PLXDC2: variants seen among roughly 807,000 people sequenced by gnomAD.
The protein encoded by PLXDC2 is plexin domain containing 2.
A neutral mutation model predicts 68.9 loss-of-function variants in PLXDC2; 40 were observed. The observed-to-expected ratio is 0.58, with a 90% CI of 0.45 to 0.76. The LOEUF (loss-of-function observed/expected upper bound fraction) is 0.76. Ranked by LOEUF, PLXDC2 falls within the 30% of genes least tolerant of loss-of-function variation. PLXDC2 has a pLI of 0.00. For synonymous variants in PLXDC2, 243 were observed against 234.2 expected (o/e 1.04, Z -0.34); for missense variants, 644 against 661.9 (o/e 0.97, Z 0.30).
At chr10:20,063,647 G>A (rs1836143400) in intron 3 of PLXDC2, among the ~76,000 whole-genome samples, 4 of 152,086 alleles carry the variant, frequency 2.6e-5, no homozygotes, top group African/African-American at 9.7e-5. Flanking sequence ...AATTAACATA[G>A]GAAAAATATG....
chr10:20,050,524 C>T (rs940191447), intron 3 of PLXDC2, among the ~76,000 whole-genome samples: 8 of 151,626 alleles, frequency 5.3e-5, no homozygotes, highest in African/African-American at 1.2e-4. Context: ...AAGAAAAAAA[C>T]GCATTAAAAA....
At chr10:20,087,978 T>C (rs1242889826) in intron 4 of PLXDC2, among the ~76,000 whole-genome samples, 1 of 152,198 alleles carries the variant, frequency 6.6e-6, no homozygotes, top group Non-Finnish European at 1.5e-5. Context: ...GCTAATGAAG[T>C]GCATTTTAGC....
At chr10:20,014,903 A>C (rs184056411) in intron 2 of PLXDC2, among the ~76,000 whole-genome samples, 1 of 150,790 alleles carries the variant, frequency 6.6e-6, no homozygotes, top group African/African-American at 2.4e-5. Flanking sequence ...TTTTTTTTCC[A>C]GTTAGTGATC....
intron 4 of PLXDC2, among the ~76,000 whole-genome samples, chr10:20,103,822 T>C (rs1027593510): frequency 4.6e-5 from 7 of 152,126 alleles, no homozygotes; most frequent in Admixed American, 2.6e-4. Flanking sequence ...TTTGTATTTT[T>C]AGTAGAGACA....
At chr10:20,038,163 G>A (rs1835613782) in intron 2 of PLXDC2, among the ~76,000 whole-genome samples, 2 of 151,968 alleles carry the variant, frequency 1.3e-5, no homozygotes, top group African/African-American at 4.8e-5. Context: ...TTGAACCTGG[G>A]AGATGGAGGT....
intron 7 of PLXDC2, among the ~76,000 whole-genome samples, chr10:20,171,881 GGGA>G (rs1834451321): frequency 6.6e-6 from 1 of 152,082 alleles, no homozygotes; most frequent in South Asian, 2.1e-4. Flanking sequence ...AGGCCAAGGT[GGGA>G]GGATCACTTG....
At chr10:20,204,516 T>G (rs1462855069) in intron 9 of PLXDC2, among the ~76,000 whole-genome samples, 1 of 152,152 alleles carries the variant, frequency 6.6e-6, no homozygotes, top group African/African-American at 2.4e-5. Flanking sequence ...CAGTTGATGT[T>G]TCCATTAAGA....
At chr10:19,841,894 A>G (rs1836916901) in intron 1 of PLXDC2, among the ~76,000 whole-genome samples, 1 of 152,182 alleles carries the variant, frequency 6.6e-6, no homozygotes, top group African/African-American at 2.4e-5. Flanking sequence ...TTATAATGTA[A>G]GTAGTATTAT....
intron 4 of PLXDC2, among the ~76,000 whole-genome samples, chr10:20,134,660 G>A (rs1833911950): frequency 6.6e-6 from 1 of 152,170 alleles, no homozygotes; most frequent in Non-Finnish European, 1.5e-5. Flanking sequence ...TGGCACAAGG[G>A]TTCACAGGCG....
intron 12 of PLXDC2, among the ~76,000 whole-genome samples, chr10:20,227,444 C>T (rs923790247): frequency 1.3e-5 from 2 of 152,092 alleles, no homozygotes; most frequent in Admixed American, 1.3e-4. Context: ...AAAAGAATTT[C>T]AGGAAGGGGA....
chr10:20,044,203 CTCTCTCTGTCTTTCTTTCTT>C (rs1347970168), intron 2 of PLXDC2, among the ~76,000 whole-genome samples: 2 of 131,210 alleles, frequency 1.5e-5, no homozygotes, highest in African/African-American at 6.1e-5. Flanking sequence ...CTCTCTCTCT[CTCTCTCTGTCTTTCTTTCTT>C]TCTTTCTTTC....
intron 13 of PLXDC2, among the ~76,000 whole-genome samples, chr10:20,275,781 C>T (rs1835999537): frequency 6.6e-6 from 1 of 152,058 alleles, no homozygotes; most frequent in African/African-American, 2.4e-5. Flanking sequence ...GGCGTGGTGG[C>T]AGGCGCCTGT....
intron 1 of PLXDC2, among the ~76,000 whole-genome samples, chr10:19,930,644 C>G (rs560777869): frequency 2.0e-5 from 3 of 151,826 alleles, no homozygotes; most frequent in Non-Finnish European, 1.5e-5. Flanking sequence ...TAAAACAGAG[C>G]CTGTTTAAAA....
At chr10:20,043,219 A>C (rs1457897572) in intron 2 of PLXDC2, 1 of 152,154 alleles carries the variant, frequency 6.6e-6, no homozygotes, top group Non-Finnish European at 1.5e-5. Context: ...GTAAACAATA[A>C]ATTGTCTTCC....
In PLXDC2 at chr10:20,104,738, G is replaced by T. The variant is rs569444021; in HGVS notation, c.541+36499G>T. Among the ~76,000 whole-genome samples, 259 of 152,134 alleles carry T rather than the reference G, an allele frequency of 1.7e-3. 1 individual carries two copies. Among genetic ancestry groups the T allele is most frequent in the African/African-American group, 5.2e-3 (215 of 41,502 alleles). ...AGTAATCTCTCTTACTTCTTGCAAT[G>T]TTGCCAACTCTAACATAAGAGCTTC... On this transcript the variant is annotated intron_variant, in intron 4 of 13. Coordinates refer to ENST00000377252, the MANE Select transcript of PLXDC2 (RefSeq NM_032812.9).
intron 5 of PLXDC2, among the ~76,000 whole-genome samples, chr10:20,145,583 T>C (rs545514830): frequency 2.6e-5 from 4 of 152,306 alleles, no homozygotes; most frequent in South Asian, 4.1e-4. Flanking sequence ...GGAGTCTCAC[T>C]CTGTCGCCCA....
intron 1 of PLXDC2, among the ~76,000 whole-genome samples, chr10:19,926,899 G>A (rs1833545446): frequency 6.6e-6 from 1 of 152,124 alleles, no homozygotes; most frequent in Non-Finnish European, 1.5e-5. Flanking sequence ...GAAGTTCACA[G>A]GTAGCTCCTA....
chr10:20,250,226 C>T (rs1012671391), intron 13 of PLXDC2, among the ~76,000 whole-genome samples: 2 of 147,796 alleles, frequency 1.4e-5, no homozygotes, highest in African/African-American at 5.0e-5. Context: ...CAAGATCACA[C>T]CACTGCACTG....
chr10:19,914,168 A>G (rs1403485641), intron 1 of PLXDC2, among the ~76,000 whole-genome samples: 1 of 151,618 alleles, frequency 6.6e-6, no homozygotes, highest in Non-Finnish European at 1.5e-5. Context: ...GAAAGAAGGA[A>G]TACATCAAGT....
Sources: gnomAD v4.1 joint callset for allele counts (sites outside exome capture counted in the v4.1 genomes callset) on GRCh38, gnomAD v4.1.1 for gene constraint, MANE v1.5 for transcripts, NCBI Gene and HGNC (gene_info 2026-07-23, HGNC 2026-07-21) for gene names.